The following WWC1 variants were observed in gnomAD, a reference collection of about 807,000 sequenced individuals.
WWC1 encodes the protein WW and C2 domain containing 1.
WWC1 carries 55 observed loss-of-function variants against 138.4 expected under a neutral mutation model. That is an observed-to-expected ratio of 0.40 (90% CI 0.32 to 0.50). WWC1 has a LOEUF of 0.50. WWC1 is among the 20% of genes least tolerant of loss of function. The pLI is 0.72. For missense variants in WWC1, 1,226 were observed against 1,420.4 expected (o/e 0.86, Z 2.20); for synonymous variants, 524 against 564.9 (o/e 0.93, Z 1.03).
At chr5:168,427,987 GCAGT>G (rs2152857326) in intron 11 of WWC1, 42 bp from the exon 12 acceptor site, 2 of 1,554,848 alleles carry the variant, frequency 1.3e-6, no homozygotes, top group African/African-American at 1.4e-5. Flanking sequence ...AGTCGCAAAG[GCAGT>G]TTCCTGGTTC....
In WWC1 at chr5:168,422,669, C is replaced by T. The variant is rs532367297; in HGVS notation, c.1274+572C>T. On this transcript the variant is annotated intron_variant, in intron 10 of 22. Transcript: ENST00000265293. Reference sequence around the variant, plus strand: ...CACACTGCCACCTACCTGCACAACACAGAGAATGTAGCCTCAGACCTGGGC... The same window carrying T: ...CACACTGCCACCTACCTGCACAACATAGAGAATGTAGCCTCAGACCTGGGC... 1.4e-3 allele frequency among the ~76,000 whole-genome samples: 216 copies of T among 152,196 alleles called. 1 individual carries two copies. Among genetic ancestry groups the T allele is most frequent in the Non-Finnish European group, 2.6e-3 (178 of 68,014 alleles).
intron 1 of WWC1, among the ~76,000 whole-genome samples, chr5:168,307,152 A>G (rs866229391): frequency 5.3e-5 from 8 of 152,242 alleles, no homozygotes; most frequent in African/African-American, 1.7e-4. Flanking sequence ...TAGCAACCCT[A>G]TGAGGTAAGA....
At chr5:168,421,010 T>C (rs1781050833) in intron 9 of WWC1, among the ~76,000 whole-genome samples, 1 of 152,200 alleles carries the variant, frequency 6.6e-6, no homozygotes, top group South Asian at 2.1e-4. Flanking sequence ...TAGTCAGGAA[T>C]CTAACTGCTG....
chr5:168,409,093 C>T (rs1429410934), intron 7 of WWC1, among the ~76,000 whole-genome samples: 8 of 152,208 alleles, frequency 5.3e-5, no homozygotes, highest in African/African-American at 1.2e-4. Flanking sequence ...GCTTGACTCC[C>T]AGTTCCAAAG....
chr5:168,431,498 CTGG>C, intron 15 of WWC1, 54 bp downstream of exon 15: 3 of 1,556,526 alleles, frequency 1.9e-6, no homozygotes, highest in South Asian at 2.4e-5. Context: ...GGCTGGCTGG[CTGG>C]CTGACCGGCC....
chr5:168,452,953 G>A (rs1040856478), intron 17 of WWC1, among the ~76,000 whole-genome samples: 18 of 152,176 alleles, frequency 1.2e-4, no homozygotes, highest in Non-Finnish European at 1.9e-4. Flanking sequence ...GTCTGGGCGC[G>A]GTGGCTCACG....
intron 5 of WWC1, among the ~76,000 whole-genome samples, chr5:168,404,055 C>T (rs889497382): frequency 1.2e-4 from 18 of 152,200 alleles, no homozygotes; most frequent in South Asian, 2.1e-4. Flanking sequence ...TTCCAGAGGC[C>T]GGGTTGCTAA....
intron 3 of WWC1, among the ~76,000 whole-genome samples, chr5:168,386,017 T>C (rs1282004942): frequency 6.6e-6 from 1 of 151,882 alleles, no homozygotes; most frequent in Non-Finnish European, 1.5e-5. Flanking sequence ...CCCCTTTCTG[T>C]TTCCCTACCC....
At chr5:168,333,772 C>G (rs1400859444) in intron 1 of WWC1, among the ~76,000 whole-genome samples, 2 of 152,096 alleles carry the variant, frequency 1.3e-5, no homozygotes, top group Non-Finnish European at 2.9e-5. Context: ...GAATTGCTAT[C>G]CCTTCTATGC....
intron 19 of WWC1, among the ~76,000 whole-genome samples, chr5:168,456,924 C>T (rs536738841): frequency 9.9e-5 from 15 of 152,208 alleles, no homozygotes; most frequent in Admixed American, 3.3e-4. Context: ...TCAAGCCTCA[C>T]GCATTTTTCC....
intron 14 of WWC1, 80 bp downstream of exon 14, chr5:168,430,303 C>A: frequency 2.5e-6 from 3 of 1,201,784 alleles, no homozygotes; most frequent in Non-Finnish European, 2.4e-6. Context: ...CTGCCCTGTC[C>A]TGATCCAGTT....
At chr5:168,464,078 C>T (rs2152894462) in intron 20 of WWC1, among the ~76,000 whole-genome samples, 2 of 152,194 alleles carry the variant, frequency 1.3e-5, no homozygotes, top group South Asian at 2.1e-4. Context: ...CATTCCTATC[C>T]CTGATGCCCC....
intron 4 of WWC1, 70 bp downstream of exon 4, chr5:168,397,870 C>A: frequency 6.5e-7 from 1 of 1,544,332 alleles, no homozygotes; most frequent in South Asian, 1.1e-5. Flanking sequence ...CAAGCCCACC[C>A]ACAAGACCAG....
At chr5:168,349,827 C>G (rs1002943626) in intron 1 of WWC1, among the ~76,000 whole-genome samples, 2 of 152,172 alleles carry the variant, frequency 1.3e-5, no homozygotes, top group African/African-American at 2.4e-5. Context: ...GGAGCAGCAG[C>G]TCCACCAACC....
At chr5:168,404,037 G>A (rs1053131559) in intron 5 of WWC1, among the ~76,000 whole-genome samples, 10 of 152,070 alleles carry the variant, frequency 6.6e-5, no homozygotes. Flanking sequence ...CCGCTCTCTG[G>A]AGCCAAATTC....
At chr5:168,373,697 A>G (rs1347118434) in intron 2 of WWC1, among the ~76,000 whole-genome samples, 1 of 139,256 alleles carries the variant, frequency 7.2e-6, no homozygotes, top group Non-Finnish European at 1.5e-5. Flanking sequence ...TAGTCTGGGC[A>G]ACATAGCAAG....
rs145387685 is a variant in WWC1 at position 168,409,534 on chromosome 5, T to G, written c.868-388T>G. 5.3e-5 allele frequency among the ~76,000 whole-genome samples: 8 copies of G among 152,338 alleles called. No individual in the cohort carries two copies. The East Asian group carries it at 1.5e-3, about 29-fold the overall frequency. ...CACTCCTGACTGCAGCCTCTGAGTTTTCTATGGATCCCCTCACCAGTGCCC... is the reference window on the plus strand; with the variant it reads ...CACTCCTGACTGCAGCCTCTGAGTTGTCTATGGATCCCCTCACCAGTGCCC... On this transcript the variant is annotated intron_variant, in intron 7 of 22. Transcript: ENST00000265293.
chr5:168,299,509 A>C (rs1561579831), intron 1 of WWC1, among the ~76,000 whole-genome samples: 1 of 152,170 alleles, frequency 6.6e-6, no homozygotes, highest in Non-Finnish European at 1.5e-5. Context: ...AGTCCTTTCC[A>C]AGTCGCTTGG....
At chr5:168,307,055 C>T (rs1770627254) in intron 1 of WWC1, among the ~76,000 whole-genome samples, 1 of 152,214 alleles carries the variant, frequency 6.6e-6, no homozygotes, top group Admixed American at 6.5e-5. Context: ...TGGACAGGAA[C>T]TAATAATTGC....
Sources: gnomAD v4.1 joint callset for allele counts (sites outside exome capture counted in the v4.1 genomes callset) on GRCh38, gnomAD v4.1.1 for gene constraint, MANE v1.5 for transcripts, NCBI Gene and HGNC (gene_info 2026-07-23, HGNC 2026-07-21) for gene names.